SPON1: variants seen among roughly 807,000 people sequenced by gnomAD.
SPON1 encodes the protein spondin-1.
In SPON1, 52 loss-of-function variants were observed where a neutral mutation model predicts 111.7. That is an observed-to-expected ratio of 0.47 (90% CI 0.37 to 0.59). The LOEUF (loss-of-function observed/expected upper bound fraction) is 0.59. Ranked by LOEUF, SPON1 falls within the 20% of genes least tolerant of loss-of-function variation. SPON1 has a pLI of 0.00. For synonymous variants in SPON1, 410 were observed against 395.8 expected (o/e 1.04, Z -0.43); for missense variants, 957 against 1,068.5 (o/e 0.90, Z 1.46).
At chr11:14,084,128 G>A (rs1165660524) in intron 5 of SPON1, among the ~76,000 whole-genome samples, 7 of 151,904 alleles carry the variant, frequency 4.6e-5, no homozygotes, top group African/African-American at 1.7e-4. Flanking sequence ...TTTTTTCAAG[G>A]ACATTCTTTT....
chr11:13,980,409 G>T (rs991544097), intron 1 of SPON1, among the ~76,000 whole-genome samples: 4 of 152,028 alleles, frequency 2.6e-5, no homozygotes, highest in Non-Finnish European at 4.4e-5. Context: ...TGGGATAACC[G>T]GCCAATCACA....
intron 6 of SPON1, among the ~76,000 whole-genome samples, chr11:14,144,289 A>G (rs1394576287): frequency 6.6e-6 from 1 of 152,154 alleles, no homozygotes; most frequent in African/African-American, 2.4e-5. Flanking sequence ...GCTAGGTAGA[A>G]TCTACTAGAG....
chr11:14,262,560 C>G, intron 14 of SPON1, 152 bp from the exon 15 acceptor site: 1 of 1,044,816 alleles, frequency 9.6e-7, no homozygotes, highest in Non-Finnish European at 1.4e-6. Context: ...GTCAGCCTGC[C>G]TCTTTGGAGC....
At position 14,229,926 on chromosome 11, in the gene SPON1, G is replaced by GTGTC. The variant is rs370640830; in HGVS notation, c.826-13390_826-13387dup. 2.5e-3 allele frequency among the ~76,000 whole-genome samples: 366 copies of GTGTC among 148,992 alleles called. 3 individuals carry two copies. The highest frequency in any genetic ancestry group is 8.2e-3 in the African/African-American group (330 of 40,130). On this transcript the variant is annotated intron_variant, in intron 6 of 15. Coordinates refer to ENST00000576479, the MANE Select transcript of SPON1 (RefSeq NM_006108.4). The stretch of plus-strand genomic sequence containing the variant: ...GGAAGAGAGGCCAGCCTGTGTGTGT[G>GTGTC]TGTCTGTCTGTCTGTCTGTGTGTCC...
chr11:14,041,804 A>G, intron 3 of SPON1, 150 bp downstream of exon 3: 1 of 823,454 alleles, frequency 1.2e-6, no homozygotes, highest in South Asian at 1.9e-5. Context: ...ACCATAGACT[A>G]TCATTGGTGA....
At chr11:14,092,376 G>A (rs1849066493) in intron 5 of SPON1, among the ~76,000 whole-genome samples, 1 of 152,152 alleles carries the variant, frequency 6.6e-6, no homozygotes, top group African/African-American at 2.4e-5. Flanking sequence ...GGGGTCTGTG[G>A]TCCAGACTTT....
At position 13,968,240 on chromosome 11, in the gene SPON1, CA is replaced by C. The variant is rs148921230; in HGVS notation, c.238+5102del. 4.1e-3 allele frequency among the ~76,000 whole-genome samples: 623 copies of C among 152,234 alleles called. 1 individual carries two copies. The highest frequency in any genetic ancestry group is 0.014 in the African/African-American group (574 of 41,526). Reference sequence around the variant, plus strand: ...CTAAGCTCATGTTACTAACAGAATCCAAAACACAGTGTTTTAAACAAGAGGT... The same window carrying C: ...CTAAGCTCATGTTACTAACAGAATCCAAACACAGTGTTTTAAACAAGAGGT... On this transcript the variant is annotated intron_variant, in intron 1 of 15. Transcript: ENST00000576479.
intron 1 of SPON1, among the ~76,000 whole-genome samples, chr11:13,977,858 G>A (rs1323556242): frequency 1.3e-5 from 2 of 152,174 alleles, no homozygotes; most frequent in African/African-American, 2.4e-5. Flanking sequence ...TATGATGTGA[G>A]TTAAGGGCCA....
Position 14,048,777 on chromosome 11 carries a change from G to A in SPON1, c.479+7123G>A, listed in dbSNP as rs75501864. 1.0e-3 allele frequency among the ~76,000 whole-genome samples: 153 copies of A among 152,288 alleles called. 3 individuals carry two copies. In the East Asian group the frequency reaches 0.015, roughly 15 times the overall value. On this transcript the variant is annotated intron_variant, in intron 3 of 15. Transcript: ENST00000576479. Reference sequence around the variant, plus strand: ...ACAGACCCCACCAGAAGGAAGTTCCGTACCCTTCAGTCTGACAAAAGTTTT... The same window carrying A: ...ACAGACCCCACCAGAAGGAAGTTCCATACCCTTCAGTCTGACAAAAGTTTT...
At position 14,259,373 on chromosome 11, in the gene SPON1, A is replaced by G; in HGVS notation, c.1586A>G (p.Lys529Arg). The G allele has an allele frequency of 6.2e-7, 1 of 1,612,542 alleles. No individual in the cohort carries two copies. The highest frequency in any genetic ancestry group is 8.5e-7 in the Non-Finnish European group (1 of 1,179,454). ...ATGAGGTCCCGGGAGAGGTATGTGA[A>G]GCAGTTCCCGGAGGACGGCTCCGTG... ...MGMRSRERYV[K>R]QFPEDGSVCT... Residue 529 changes from lysine to arginine, a missense_variant, in exon 12 of 16, where the codon AAG (lysine) becomes AGG (arginine). Coordinates refer to ENST00000576479, the MANE Select transcript of SPON1 (RefSeq NM_006108.4). This position sits in a 1 kb window ranked among gnomAD's most constrained non-coding sequence, Gnocchi z 5.0.
intron 3 of SPON1, among the ~76,000 whole-genome samples, chr11:14,044,982 T>C (rs112084844): frequency 6.6e-6 from 1 of 152,220 alleles, no homozygotes; most frequent in African/African-American, 2.4e-5. Context: ...TGACAAATAA[T>C]GTTATGATGA....
intron 3 of SPON1, among the ~76,000 whole-genome samples, chr11:14,050,370 A>G (rs1251842202): frequency 6.6e-6 from 1 of 152,226 alleles, no homozygotes; most frequent in African/African-American, 2.4e-5. Context: ...GTTTTTGTAA[A>G]TAAAGTTTTA....
chr11:13,999,311 C>T (rs1260888265), intron 2 of SPON1, among the ~76,000 whole-genome samples: 1 of 152,046 alleles, frequency 6.6e-6, no homozygotes, highest in Non-Finnish European at 1.5e-5. Flanking sequence ...AAATCCCTAC[C>T]CCTTTGGACA....
chr11:14,075,389 GCTCTCTGAC>G lies in SPON1; in HGVS notation c.526_534del (p.Ser176_Thr178del). 6.4e-7 allele frequency: 1 copy of G among 1,559,836 alleles called. No homozygotes were observed. Among genetic ancestry groups the G allele is most frequent in the Non-Finnish European group, 8.7e-7 (1 of 1,150,958 alleles). ...CGCATTATTTATTTTCAAGATGAGGGCTCTCTGACCAAGAAACTTTGTGAACAAGGTAAG... is the reference window on the plus strand; with the variant it reads ...CGCATTATTTATTTTCAAGATGAGGGCAAGAAACTTTGTGAACAAGGTAAG... On this transcript the variant is annotated inframe_deletion, in exon 4 of 16. Transcript: ENST00000576479.
At chr11:14,100,584 A>G (rs1483756379) in intron 5 of SPON1, among the ~76,000 whole-genome samples, 1 of 152,036 alleles carries the variant, frequency 6.6e-6, no homozygotes. Context: ...TTTGGTCTCT[A>G]CTATCCCTGT....
At chr11:14,197,219 A>G (rs534103591) in intron 6 of SPON1, among the ~76,000 whole-genome samples, 78 of 152,230 alleles carry the variant, frequency 5.1e-4, no homozygotes, top group African/African-American at 1.8e-3. Flanking sequence ...ATTATTTTCT[A>G]ATATTGATGC....
intron 6 of SPON1, among the ~76,000 whole-genome samples, chr11:14,177,377 C>A (rs1848189659): frequency 6.6e-6 from 1 of 152,030 alleles, no homozygotes. Flanking sequence ...TAGAGGGAAA[C>A]CAGTGAGCCA....
intron 6 of SPON1, among the ~76,000 whole-genome samples, chr11:14,196,427 C>G (rs1554935088): frequency 6.6e-6 from 1 of 151,868 alleles, no homozygotes; most frequent in Admixed American, 6.6e-5. Flanking sequence ...TGTGACGATA[C>G]TAAAAATTAT....
chr11:14,017,622 G>A (rs1308849734), intron 2 of SPON1, among the ~76,000 whole-genome samples: 2 of 152,168 alleles, frequency 1.3e-5, no homozygotes, highest in Non-Finnish European at 2.9e-5. Flanking sequence ...GTTAGAGGTT[G>A]AACAACTTGC....
Sources: gnomAD v4.1 joint callset for allele counts (sites outside exome capture counted in the v4.1 genomes callset) on GRCh38, gnomAD v4.1.1 for gene constraint, Gnocchi (gnomAD v3.1) non-coding constraint, MANE v1.5 for transcripts, NCBI Gene and HGNC (gene_info 2026-07-23, HGNC 2026-07-21) for gene names.